Variants in ADK observed in about 807,000 individuals in gnomAD.
The protein encoded by ADK is adenosine kinase, also known as N6,N6-dimethyladenosine kinase.
In ADK, 24 loss-of-function variants were observed where a neutral mutation model predicts 44.7. The observed-to-expected ratio is 0.54, with a 90% confidence interval of 0.39 to 0.76. ADK has a LOEUF of 0.76. ADK is among the 30% of genes least tolerant of loss of function. ADK has a pLI of 0.00. For synonymous variants in ADK, 128 were observed against 142.6 expected, an observed-to-expected ratio of 0.90 and a Z score of 0.73; for missense variants, 321 against 425.1, an observed-to-expected ratio of 0.76 and a Z score of 2.15.
At chr10:74,630,976 CTATT>C (rs1312289358) in intron 9 of ADK, among the ~76,000 whole-genome samples, 1 of 151,800 alleles carries the variant, frequency 6.6e-6, no homozygotes, top group Non-Finnish European at 1.5e-5. Flanking sequence ...ATTACTATCA[CTATT>C]TATTGTGTTT....
intron 1 of ADK, among the ~76,000 whole-genome samples, chr10:74,184,090 G>A (rs1842660670): frequency 6.6e-6 from 1 of 151,880 alleles, no homozygotes; most frequent in Non-Finnish European, 1.5e-5. Flanking sequence ...GCCAATTTTT[G>A]TATTTTTAGT....
At chr10:74,185,154 G>A (rs1376184713) in intron 1 of ADK, among the ~76,000 whole-genome samples, 1 of 152,198 alleles carries the variant, frequency 6.6e-6, no homozygotes, top group Non-Finnish European at 1.5e-5. Context: ...TGTTAGTCAT[G>A]TCACACATGT....
At chr10:74,368,686 G>A (rs139691881) in intron 4 of ADK, among the ~76,000 whole-genome samples, 301 of 150,628 alleles carry the variant, frequency 2.0e-3, no homozygotes, top group African/African-American at 7.1e-3. Context: ...CTGGAGTGCC[G>A]TGGCCCCATT....
intron 9 of ADK, among the ~76,000 whole-genome samples, chr10:74,618,416 G>A (rs1212237515): frequency 6.6e-6 from 1 of 152,070 alleles, no homozygotes. Flanking sequence ...TCAGCCTCCT[G>A]AGTAGCTGGG....
chr10:74,361,736 T>C (rs953362952), intron 4 of ADK, among the ~76,000 whole-genome samples: 6 of 152,378 alleles, frequency 3.9e-5, no homozygotes, highest in African/African-American at 1.4e-4. Context: ...GCATTTCTTA[T>C]TGGACAAGTC....
chr10:74,250,493 G>A (rs1003345066), intron 3 of ADK, among the ~76,000 whole-genome samples: 1 of 152,296 alleles, frequency 6.6e-6, no homozygotes, highest in Middle Eastern at 3.4e-3. Flanking sequence ...AGGCCGAATT[G>A]TGAAAAGTTT....
intron 9 of ADK, among the ~76,000 whole-genome samples, chr10:74,607,947 C>G (rs181082413): frequency 1.3e-5 from 2 of 151,790 alleles, no homozygotes; most frequent in East Asian, 3.9e-4. Flanking sequence ...TCTTTTTTCT[C>G]TAATCTTGTC....
At chr10:74,662,162 G>A (rs1854759004) in intron 9 of ADK, among the ~76,000 whole-genome samples, 1 of 152,094 alleles carries the variant, frequency 6.6e-6, no homozygotes, top group African/African-American at 2.4e-5. Flanking sequence ...CATTTTTTAG[G>A]TAATAACACT....
At chr10:74,227,739 G>C (rs1483018894) in intron 3 of ADK, among the ~76,000 whole-genome samples, 2 of 152,160 alleles carry the variant, frequency 1.3e-5, no homozygotes, top group African/African-American at 4.8e-5. Flanking sequence ...AGCTACTCAG[G>C]AGGCTGAGGC....
chr10:74,459,295 T>A (rs959070052), intron 6 of ADK, among the ~76,000 whole-genome samples: 15 of 150,678 alleles, frequency 1.0e-4, no homozygotes, highest in Admixed American at 2.0e-4. Context: ...AAAAAAAAAA[T>A]TTATTTCCAA....
intron 6 of ADK, among the ~76,000 whole-genome samples, chr10:74,520,668 G>A (rs1412638438): frequency 1.3e-5 from 2 of 151,646 alleles, no homozygotes; most frequent in African/African-American, 4.8e-5. Context: ...ATTCCCTCAC[G>A]TTTAGACTAC....
chr10:74,394,049 G>A lies in ADK; in HGVS notation c.274-92G>A, dbSNP rs1016156837. ...CATAACAGCTACAGTTTCTCACAAA[G>A]CATTCTTGTCACATCACTATCTGTG... On this transcript the variant is annotated intron_variant, in intron 4 of 10. Coordinates refer to ENST00000539909, the MANE Select transcript of ADK (RefSeq NM_006721.4). 11 of 1,279,406 alleles carry A rather than the reference G, an allele frequency of 8.6e-6. No individual in the cohort carries two copies. The Admixed American group carries it at 1.8e-4, about 21-fold the overall frequency. The allele number at this position is 1,279,406 out of a possible 1,614,324, so 79.3% of individuals were successfully genotyped here.
At chr10:74,319,006 C>T (rs1003554631) in intron 4 of ADK, among the ~76,000 whole-genome samples, 9 of 110,062 alleles carry the variant, frequency 8.2e-5, no homozygotes, top group East Asian at 2.1e-4. Flanking sequence ...GACTGTATTA[C>T]GTTTTACCAC....
chr10:74,447,239 A>G (rs903208926), intron 6 of ADK, among the ~76,000 whole-genome samples: 4 of 152,150 alleles, frequency 2.6e-5, no homozygotes, highest in Non-Finnish European at 5.9e-5. Context: ...AGAAAGAGTG[A>G]TAAAGTATGG....
chr10:74,583,041 T>G (rs543344920), intron 7 of ADK, among the ~76,000 whole-genome samples: 6 of 152,326 alleles, frequency 3.9e-5, no homozygotes, highest in South Asian at 2.1e-4. Flanking sequence ...GTTAAAATAG[T>G]ATAATACTAA....
chr10:74,508,441 TA>T (rs1206690847), intron 6 of ADK: 1 of 152,186 alleles, frequency 6.6e-6, no homozygotes, highest in Non-Finnish European at 1.5e-5. Context: ...CAATACAATG[TA>T]AATATGTATG....
chr10:74,214,831 T>G (rs1198745578), intron 2 of ADK, among the ~76,000 whole-genome samples: 2 of 152,188 alleles, frequency 1.3e-5, no homozygotes, highest in African/African-American at 4.8e-5. Context: ...TTATCATAAT[T>G]GTTAAATAAT....
intron 4 of ADK, among the ~76,000 whole-genome samples, chr10:74,316,173 T>C (rs1840611996): frequency 6.6e-6 from 1 of 151,228 alleles, no homozygotes; most frequent in African/African-American, 2.4e-5. Flanking sequence ...CTGGGCGGTA[T>C]AGGTTGCAGT....
intron 8 of ADK, among the ~76,000 whole-genome samples, chr10:74,595,535 T>C (rs950329592): frequency 5.3e-5 from 8 of 149,804 alleles, no homozygotes; most frequent in African/African-American, 2.0e-4. Flanking sequence ...CGCCACCACA[T>C]CCGGCTAATT....
Sources: allele counts gnomAD v4.1 joint callset (sites outside exome capture counted in the v4.1 genomes callset), GRCh38; gene constraint gnomAD v4.1.1; transcripts MANE v1.5; gene names NCBI Gene and HGNC (gene_info 2026-07-23, HGNC 2026-07-21).